Variants in TANK observed in about 807,000 individuals in gnomAD.
TANK encodes the protein TRAF family member-associated NF-kappa-B activator.
TANK carries 15 observed loss-of-function variants against 43.6 expected under a neutral mutation model. The ratio of observed to expected loss-of-function variants is 0.34; its 90% confidence interval spans 0.23 to 0.53. TANK has a LOEUF of 0.53. Among genes scored for constraint, TANK ranks in the 20% least tolerant of loss-of-function variants. The probability of loss-of-function intolerance (pLI) is 0.94; values close to 1 mark genes in which losing one functional copy is unlikely to be tolerated. For synonymous variants in TANK, 162 were observed against 178.2 expected (o/e 0.91, Z 0.73); for missense variants, 417 against 498.6 (o/e 0.84, Z 1.56).
chr2:161,215,345 G>C (rs1387792711), intron 4 of TANK, among the ~76,000 whole-genome samples: 1 of 152,134 alleles, frequency 6.6e-6, no homozygotes, highest in African/African-American at 2.4e-5. Flanking sequence ...TGTACATGGA[G>C]GTCCTAATGC....
chr2:161,150,559 G>GTTAGA (rs1212345580), intron 1 of TANK, among the ~76,000 whole-genome samples: 1 of 138,508 alleles, frequency 7.2e-6, no homozygotes, highest in African/African-American at 2.7e-5. Flanking sequence ...GAGGTATAAA[G>GTTAGA]TTAGATTATT....
At chr2:161,140,836 T>C (rs1247718500) in intron 1 of TANK, among the ~76,000 whole-genome samples, 2 of 152,092 alleles carry the variant, frequency 1.3e-5, no homozygotes, top group Non-Finnish European at 2.9e-5. Flanking sequence ...GAATAGTCTG[T>C]CTTTTTTAAA....
intron 4 of TANK, among the ~76,000 whole-genome samples, chr2:161,208,625 T>G (rs1686750746): frequency 6.6e-6 from 1 of 152,196 alleles, no homozygotes; most frequent in Non-Finnish European, 1.5e-5. Flanking sequence ...GGGTCTCTTA[T>G]GTTGAAGTCA....
At chr2:161,140,997 CATT>C (rs1239727388) in intron 1 of TANK, among the ~76,000 whole-genome samples, 2 of 152,038 alleles carry the variant, frequency 1.3e-5, no homozygotes, top group South Asian at 2.1e-4. Context: ...AATATGGGTA[CATT>C]ATTATTAACT....
At chr2:161,212,590 T>G (rs1686939910) in intron 4 of TANK, 3 of 985,198 alleles carry the variant, frequency 3.0e-6, no homozygotes, top group Non-Finnish European at 3.6e-6. Context: ...AAGTGATATG[T>G]CACCTTCTAA....
At chr2:161,148,596 A>G (rs1037122427) in intron 1 of TANK, among the ~76,000 whole-genome samples, 16 of 152,314 alleles carry the variant, frequency 1.1e-4, no homozygotes, top group African/African-American at 2.9e-4. Flanking sequence ...GCCAAATCCA[A>G]TGTCATGATG....
chr2:161,163,166 CT>C (rs1684519645), intron 1 of TANK: 2 of 152,158 alleles, frequency 1.3e-5, no homozygotes, highest in South Asian at 4.1e-4. Context: ...CAGAGTTCCT[CT>C]TCCTCCGCTC....
chr2:161,220,305 A>T (rs191651824), intron 4 of TANK, among the ~76,000 whole-genome samples: 3 of 152,352 alleles, frequency 2.0e-5, no homozygotes, highest in Admixed American at 6.5e-5. Context: ...AATTATCTTT[A>T]AAAATTCCAT....
At chr2:161,155,575 T>C (rs1310539465), upstream of TANK, among the ~76,000 whole-genome samples, 2 of 152,228 alleles carry the variant, frequency 1.3e-5, no homozygotes, top group East Asian at 3.8e-4. Flanking sequence ...AGGCAGACAC[T>C]ATAGGTCAAA....
At chr2:161,219,717 G>T in intron 4 of TANK, 4 of 451,804 alleles carry the variant, frequency 8.9e-6, no homozygotes, top group South Asian at 1.7e-5. Context: ...CTTTCTCCCT[G>T]ATTCAGCTGT....
At position 161,230,778 on chromosome 2, in the gene TANK, CTA is replaced by C. The variant is rs577088461; in HGVS notation, c.521-191_521-190del. Among the ~76,000 whole-genome samples, 218 of 152,278 alleles carry C rather than the reference CTA, an allele frequency of 1.4e-3. 3 individuals are homozygous for C. The highest frequency in any genetic ancestry group is 0.014 in the Middle Eastern group (4 of 294). ...AAGTAGTTAAATTGCGACTAATAAGCTATGTTTCAGTTCACCCGCTGGAGACT... is the reference window on the plus strand; with the variant it reads ...AAGTAGTTAAATTGCGACTAATAAGCTGTTTCAGTTCACCCGCTGGAGACT... On this transcript the variant is annotated intron_variant, in intron 6 of 7. Coordinates refer to ENST00000392749, the MANE Select transcript of TANK (RefSeq NM_001199135.3).
rs915749622 is a variant in TANK at position 161,207,020 on chromosome 2, GT to G, written c.327+2235del. ...AGTTCTAAGATATAGTAATAGTTTT[GT>G]TTTTTTTAATTTGGATAATTTGTTA... On this transcript the variant is annotated intron_variant, in intron 4 of 7. Transcript: ENST00000392749. 2.0e-5 allele frequency among the ~76,000 whole-genome samples: 3 copies of G among 151,604 alleles called. No homozygotes were observed. In the South Asian group the frequency reaches 6.2e-4, roughly 31 times the overall value.
At chr2:161,145,278 A>G (rs1170254330) in intron 1 of TANK, among the ~76,000 whole-genome samples, 1 of 150,814 alleles carries the variant, frequency 6.6e-6, no homozygotes, top group Non-Finnish European at 1.5e-5. Context: ...CTCTTTATCC[A>G]ATTTGCCAGT....
rs1222658426 is a variant in TANK at position 161,179,768 on chromosome 2, G to T, written c.99+7G>T. 6.2e-7 allele frequency: 1 copy of T among 1,606,474 alleles called. No individual in the cohort carries two copies. The highest frequency in any genetic ancestry group is 8.5e-7 in the Non-Finnish European group (1 of 1,175,542). ...AAAAGAATTACAGCAAAAGGTGTGT[G>T]GTTCTGGTTTTGAAAGTTATTCTTT... On this transcript the variant is annotated splice_region_variant and intron_variant, in intron 2 of 7. Transcript: ENST00000392749.
In TANK at chr2:161,183,869, CATAA is replaced by C. The variant is rs752211578; in HGVS notation, c.99+4114_99+4117del. Among the ~76,000 whole-genome samples, 22 of 151,338 alleles carry C rather than the reference CATAA, an allele frequency of 1.5e-4. No homozygotes were observed. The East Asian group carries it at 2.5e-3, about 17-fold the overall frequency. The stretch of plus-strand genomic sequence containing the variant: ...GGAACTTTAAAAAGTTCAAATAAAT[CATAA>C]ATAAAATAGATATTTTACTATATAG... On this transcript the variant is annotated intron_variant, in intron 2 of 7. Transcript: ENST00000392749.
intron 4 of TANK, among the ~76,000 whole-genome samples, chr2:161,218,527 A>T (rs1022196646): frequency 1.3e-5 from 2 of 152,184 alleles, no homozygotes; most frequent in African/African-American, 4.8e-5. Context: ...TAAATACGTA[A>T]TTCAGAAGAT....
chr2:161,203,697 T>A (rs1395120789), intron 3 of TANK, 102 bp downstream of exon 3: 2 of 691,440 alleles, frequency 2.9e-6, no homozygotes, highest in Admixed American at 6.0e-5. Flanking sequence ...TTCTCAATAG[T>A]TTTGATATTA....
Position 161,170,712 on chromosome 2 carries a change from G to A in TANK, c.-49-8902G>A, listed in dbSNP as rs186164753. On this transcript the variant is annotated intron_variant, in intron 1 of 7. Transcript: ENST00000392749. ...TGATTCTAATTTACTGACAGGTTGC[G>A]AACCAATGTCCTACAGCCTGACTCT... 2.5e-3 allele frequency among the ~76,000 whole-genome samples: 374 copies of A among 152,208 alleles called. 2 individuals carry two copies. The highest frequency in any genetic ancestry group is 6.4e-3 in the African/African-American group (267 of 41,526).
intron 1 of TANK, among the ~76,000 whole-genome samples, chr2:161,174,413 A>G (rs1685089086): frequency 6.6e-6 from 1 of 152,138 alleles, no homozygotes; most frequent in South Asian, 2.1e-4. Flanking sequence ...TCTATATATA[A>G]AGTTTACTCC....
Sources: gnomAD v4.1 joint callset for allele counts (sites outside exome capture counted in the v4.1 genomes callset) on GRCh38, gnomAD v4.1.1 for gene constraint, MANE v1.5 for transcripts, NCBI Gene and HGNC (gene_info 2026-07-23, HGNC 2026-07-21) for gene names.